Variants in TENT5D observed in about 807,000 individuals in gnomAD.
TENT5D encodes cancer/testis antigen 112.
For synonymous variants in TENT5D, 103 were observed against 100.6 expected (o/e 1.02, Z -0.15); for missense variants, 191 against 287.0 (o/e 0.67, Z 2.42).
At chrX:80,350,596 T>C (rs750662764) in intron 3 of TENT5D, among the ~76,000 whole-genome samples, 91 of 111,478 alleles carry the variant, frequency 8.2e-4, no homozygotes, top group Non-Finnish European at 1.5e-3. Context: ...TCTTGTCTCT[T>C]TATCCAATTT....
At chrX:80,379,373 T>TCA (rs1438195308) in intron 3 of TENT5D, among the ~76,000 whole-genome samples, 4 of 110,665 alleles carry the variant, frequency 3.6e-5, no homozygotes, top group African/African-American at 1.3e-4. Flanking sequence ...AGGATTTTCA[T>TCA]ATCGCTATTC....
At chrX:80,396,644 A>G (rs1931248999) in intron 3 of TENT5D, among the ~76,000 whole-genome samples, 1 of 109,196 alleles carries the variant, frequency 9.2e-6, no homozygotes, top group African/African-American at 3.3e-5. Flanking sequence ...TTAGTACAGA[A>G]CAAAACGAAA....
In TENT5D at chrX:80,392,495, C is replaced by CTTTTTTTTTTTTTTTTTTT. The variant is rs72029455; in HGVS notation, c.-141-46101_-141-46083dup. On this transcript the variant is annotated intron_variant, in intron 3 of 4. Transcript: ENST00000538312. Reference sequence around the variant, plus strand: ...TTTATAGCTTTATTCTCATTTTATTCTTTTTTTTTTTTTTTTTTTTTTTTT... The same window carrying CTTTTTTTTTTTTTTTTTTT: ...TTTATAGCTTTATTCTCATTTTATTCTTTTTTTTTTTTTTTTTTTTTTTTTTTTTTTTTTTTTTTTTTTT... 4.1e-4 allele frequency among the ~76,000 whole-genome samples: 10 copies of CTTTTTTTTTTTTTTTTTTT among 24,289 alleles called. 1 individual carries two copies. Among genetic ancestry groups the CTTTTTTTTTTTTTTTTTTT allele is most frequent in the East Asian group, 1.4e-3 (1 of 715 alleles). 21.1% of individuals were successfully genotyped at this position (24,289 alleles called of 115,157 possible). A position where few individuals can be genotyped will look rare whatever the true frequency, so the allele number is the denominator to read the frequency against.
At chrX:80,367,319 C>T (rs954059628) in intron 3 of TENT5D, among the ~76,000 whole-genome samples, 1 of 111,384 alleles carries the variant, frequency 9.0e-6, no homozygotes, top group Admixed American at 9.6e-5. Context: ...GTTAAAATGG[C>T]CGTTATCCAA....
intron 3 of TENT5D, among the ~76,000 whole-genome samples, chrX:80,346,279 A>C (rs1461786767): frequency 1.8e-5 from 2 of 112,452 alleles, no homozygotes; most frequent in Non-Finnish European, 3.8e-5. Flanking sequence ...ACCTGCTGAA[A>C]GATATTTCGG....
intron 3 of TENT5D, among the ~76,000 whole-genome samples, chrX:80,396,240 A>T (rs1421188489): frequency 9.1e-6 from 1 of 110,376 alleles, no homozygotes. Context: ...TATGGTAGTT[A>T]TAGTTTTAGT....
intron 1 of TENT5D, among the ~76,000 whole-genome samples, chrX:80,433,032 G>A (rs1040331556): frequency 9.0e-6 from 1 of 111,320 alleles, no homozygotes; most frequent in African/African-American, 3.3e-5. Context: ...GGGACCATCA[G>A]GAGCTGAACT....
intron 2 of TENT5D, among the ~76,000 whole-genome samples, chrX:80,440,700 A>G (rs1932267287): frequency 9.0e-6 from 1 of 111,424 alleles, no homozygotes; most frequent in South Asian, 3.7e-4. Context: ...AAAGGAAAAT[A>G]TATATTTGCA....
At chrX:80,371,203 C>CT (rs924761500) in intron 3 of TENT5D, among the ~76,000 whole-genome samples, 2 of 111,455 alleles carry the variant, frequency 1.8e-5, no homozygotes, top group South Asian at 3.8e-4. Context: ...TGAGAGAAAT[C>CT]TTTTTTTTCT....
chrX:80,435,534 A>G (rs1388137052), intron 1 of TENT5D, among the ~76,000 whole-genome samples: 1 of 112,602 alleles, frequency 8.9e-6, no homozygotes, highest in Non-Finnish European at 1.9e-5. Flanking sequence ...AATGTAATGT[A>G]CTAATACAGA....
upstream of TENT5D, among the ~76,000 whole-genome samples, chrX:80,415,795 C>G (rs1931760507): frequency 2.7e-5 from 3 of 111,505 alleles, no homozygotes; most frequent in Admixed American, 2.9e-4. Context: ...TTATCAAGAT[C>G]TTGTTGGCCT....
At chrX:80,337,889 C>G (rs1375245632) in intron 2 of TENT5D, among the ~76,000 whole-genome samples, 4 of 110,458 alleles carry the variant, frequency 3.6e-5, no homozygotes, top group Non-Finnish European at 7.6e-5. Context: ...CTCAGCCTCC[C>G]GAGTAGCTGG....
Position 80,425,121 on chromosome X carries a change from T to G in TENT5D, c.-142+4558T>G, listed in dbSNP as rs898891792. 3.6e-5 allele frequency among the ~76,000 whole-genome samples: 4 copies of G among 112,633 alleles called. No individual in the cohort carries two copies. In the Admixed American group the frequency reaches 3.8e-4, roughly 11 times the overall value. On this transcript the variant is annotated intron_variant, in intron 1 of 2. Coordinates refer to ENST00000308293, the Ensembl canonical transcript of TENT5D. The stretch of plus-strand genomic sequence containing the variant: ...GTTAAACCCTTGGCAAAACACCAGT[T>G]TTTAAATTGTCCTGTTGCAAAAGAA...
chrX:80,363,821 C>T (rs1011949735), intron 3 of TENT5D, among the ~76,000 whole-genome samples: 2 of 111,938 alleles, frequency 1.8e-5, no homozygotes, highest in African/African-American at 6.5e-5. Flanking sequence ...ATATTTTTGA[C>T]AAGTAAAAAT....
At chrX:80,430,302 T>C (rs922435814) in intron 1 of TENT5D, among the ~76,000 whole-genome samples, 8 of 111,540 alleles carry the variant, frequency 7.2e-5, no homozygotes, top group African/African-American at 2.3e-4. Flanking sequence ...TGTCCATTGG[T>C]CATTTCCTAC....
At chrX:80,405,587 T>A (rs1931470581) in intron 3 of TENT5D, among the ~76,000 whole-genome samples, 1 of 112,146 alleles carries the variant, frequency 8.9e-6, no homozygotes, top group Admixed American at 9.4e-5. Context: ...ATCTCGCACC[T>A]GGCTCGGAGG....
intron 3 of TENT5D, among the ~76,000 whole-genome samples, chrX:80,358,657 A>G (rs775208270): frequency 1.8e-5 from 2 of 112,173 alleles, no homozygotes; most frequent in East Asian, 5.6e-4. Context: ...GTCAGGACTT[A>G]CCTTTGTTGA....
At chrX:80,392,495 C>CTTTTTTTTTTTTTTTTTTTT (rs72029455) in intron 3 of TENT5D, among the ~76,000 whole-genome samples, 1 of 24,289 alleles carries the variant, frequency 4.1e-5, no homozygotes, top group African/African-American at 2.0e-4. Flanking sequence ...TCATTTTATT[C>CTTTTTTTTTTTTTTTTTTTT]TTTTTTTTTT....
At chrX:80,421,423 G>A (rs756676619) in intron 1 of TENT5D, among the ~76,000 whole-genome samples, 3 of 111,448 alleles carry the variant, frequency 2.7e-5, no homozygotes, top group Admixed American at 9.5e-5. Context: ...TCCTCACCTC[G>A]TGATCTACCC....
Sources: gnomAD v4.1 joint callset for allele counts (sites outside exome capture counted in the v4.1 genomes callset) on GRCh38, gnomAD v4.1.1 for gene constraint, MANE v1.5 for transcripts, NCBI Gene and HGNC (gene_info 2026-07-23, HGNC 2026-07-21) for gene names.